The following ZNF827 variants were observed in gnomAD, a reference collection of about 807,000 sequenced individuals.
ZNF827 encodes the protein zinc finger protein 827.
ZNF827 carries 13 observed loss-of-function variants against 102.4 expected under a neutral mutation model. The ratio of observed to expected loss-of-function variants is 0.13; its 90% CI spans 0.08 to 0.20. The LOEUF (loss-of-function observed/expected upper bound fraction) is 0.20, where lower values mean the gene tolerates loss of function less well. Among genes scored for constraint, ZNF827 ranks in the 10% least tolerant of loss-of-function variants. ZNF827 has a pLI of 1.00. For synonymous variants in ZNF827, 523 were observed against 536.2 expected (o/e 0.98, Z 0.34); for missense variants, 1,103 against 1,344.4 (o/e 0.82, Z 2.81).
At chr4:145,920,794 A>T (rs2126961729) in intron 1 of ZNF827, among the ~76,000 whole-genome samples, 1 of 152,272 alleles carries the variant, frequency 6.6e-6, no homozygotes, top group South Asian at 2.1e-4. Flanking sequence ...AACAATATTA[A>T]TAGAACATCT....
chr4:145,797,601 T>C (rs540712385), intron 8 of ZNF827, among the ~76,000 whole-genome samples: 4 of 152,278 alleles, frequency 2.6e-5, no homozygotes, highest in East Asian at 1.9e-4. Context: ...CTGCTCCTTC[T>C]CTCCCTTTCT....
At chr4:145,817,492 T>C (rs1017972740) in intron 8 of ZNF827, among the ~76,000 whole-genome samples, 1 of 152,208 alleles carries the variant, frequency 6.6e-6, no homozygotes, top group Non-Finnish European at 1.5e-5. Flanking sequence ...AGCAGAATCA[T>C]GGCGGAAAGG....
intron 1 of ZNF827, among the ~76,000 whole-genome samples, chr4:145,937,282 T>C (rs1302074332): frequency 2.0e-5 from 3 of 151,526 alleles, no homozygotes; most frequent in Non-Finnish European, 4.4e-5. Flanking sequence ...GTGTCTCCAG[T>C]TGGCGTGTGT....
At chr4:145,868,228 C>T (rs958963104) in intron 5 of ZNF827, among the ~76,000 whole-genome samples, 4 of 152,162 alleles carry the variant, frequency 2.6e-5, no homozygotes, top group East Asian at 3.8e-4. Context: ...AAGTTCCAAG[C>T]GCAAATCACA....
intron 8 of ZNF827, among the ~76,000 whole-genome samples, chr4:145,811,503 G>A (rs1345154499): frequency 6.6e-6 from 1 of 152,172 alleles, no homozygotes; most frequent in Non-Finnish European, 1.5e-5. Flanking sequence ...TCGTAGGGGT[G>A]AGGAGGTCTA....
Position 145,763,929 on chromosome 4 carries a change from G to A in ZNF827, c.3231-807C>T, listed in dbSNP as rs1734889638. On this transcript the variant is annotated intron_variant, in intron 13 of 14. Transcript: ENST00000508784. The surrounding 1 kb of genome is among the most constrained non-coding windows in gnomAD (Gnocchi z 4.6). ...TGTTGTTCCCTGACTCTTCTATGTG[G>A]GGGAGTTTTTGAGGAGGCAGGGGCC... Among the ~76,000 whole-genome samples, 1 of 151,972 alleles carries A rather than the reference G, an allele frequency of 6.6e-6. No homozygotes were observed. Among genetic ancestry groups the A allele is most frequent in the Non-Finnish European group, 1.5e-5 (1 of 67,986 alleles).
At chr4:145,878,056 T>A (rs1322333780) in intron 4 of ZNF827, among the ~76,000 whole-genome samples, 1 of 152,220 alleles carries the variant, frequency 6.6e-6, no homozygotes. Context: ...AAATGACATC[T>A]CCTCTTGACT....
At chr4:145,773,452 T>C (rs1426085436) in intron 11 of ZNF827, among the ~76,000 whole-genome samples, 1 of 152,172 alleles carries the variant, frequency 6.6e-6, no homozygotes, top group Non-Finnish European at 1.5e-5. Context: ...GTCAGGGAAA[T>C]TCCCCTTCCC....
intron 10 of ZNF827, 138 bp downstream of exon 10, chr4:145,775,651 C>T (rs1736951661): frequency 7.4e-6 from 8 of 1,078,030 alleles, no homozygotes; most frequent in African/African-American, 1.6e-5. Flanking sequence ...TCAATCTGAG[C>T]AAAGAAATTA....
intron 7 of ZNF827, among the ~76,000 whole-genome samples, chr4:145,835,721 C>T (rs1241685760): frequency 8.3e-6 from 1 of 120,714 alleles, no homozygotes; most frequent in Non-Finnish European, 1.7e-5. Context: ...CACCCTTACC[C>T]CACTCAACGC....
chr4:145,864,913 C>T (rs1044508298), intron 5 of ZNF827, among the ~76,000 whole-genome samples: 20 of 152,118 alleles, frequency 1.3e-4, no homozygotes, highest in Admixed American at 5.2e-4. Flanking sequence ...ATTTTCCATC[C>T]GTATAGATTA....
chr4:145,823,529 G>A lies in ZNF827; in HGVS notation c.2280-4C>T. ...TGTGTCTTCTGAAAAGAAAGGGCTG[G>A]GGTGGGGGAGGGGGAGTGAAGTTTA... On this transcript the variant is annotated splice_polypyrimidine_tract_variant and splice_region_variant and intron_variant, in intron 7 of 14. Coordinates refer to ENST00000508784, the MANE Select transcript of ZNF827 (RefSeq NM_001306215.2). 1 of 1,593,416 alleles carries A rather than the reference G, an allele frequency of 6.3e-7. No homozygotes were observed. The highest frequency in any genetic ancestry group is 1.1e-5 in the South Asian group (1 of 90,586).
At chr4:145,828,245 T>C (rs1310617543) in intron 7 of ZNF827, among the ~76,000 whole-genome samples, 2 of 152,212 alleles carry the variant, frequency 1.3e-5, no homozygotes, top group African/African-American at 4.8e-5. Context: ...CATATAGCCC[T>C]TGCTTCTGAA....
rs200997462 is a variant in ZNF827, at chr4:145,892,580, C to A, written c.1094-165G>T. ...ATAAGAAAGTTTTAGTACTGCTTTTCTTCAGGTAGAAACCCATATTCACCT... is the reference window on the plus strand; with the variant it reads ...ATAAGAAAGTTTTAGTACTGCTTTTATTCAGGTAGAAACCCATATTCACCT... On this transcript the variant is annotated intron_variant, in intron 2 of 14. Coordinates refer to ENST00000508784, the MANE Select transcript of ZNF827 (RefSeq NM_001306215.2). Among the ~76,000 whole-genome samples, 301 of 152,310 alleles carry A rather than the reference C, an allele frequency of 2.0e-3. 2 individuals carry two copies. Among genetic ancestry groups the A allele is most frequent in the African/African-American group, 6.3e-3 (260 of 41,576 alleles).
chr4:145,899,215 A>G (rs1032340788), intron 2 of ZNF827, among the ~76,000 whole-genome samples: 2 of 151,338 alleles, frequency 1.3e-5, no homozygotes, highest in African/African-American at 4.9e-5. Context: ...CTCTCACCAC[A>G]TTTCCATAAT....
intron 1 of ZNF827, among the ~76,000 whole-genome samples, chr4:145,927,864 T>C (rs892172187): frequency 6.6e-6 from 1 of 152,236 alleles, no homozygotes; most frequent in Non-Finnish European, 1.5e-5. Context: ...TAAAGCATAA[T>C]ACAAACAGAA....
intron 7 of ZNF827, among the ~76,000 whole-genome samples, chr4:145,840,909 T>C (rs1009489441): frequency 1.3e-5 from 2 of 152,192 alleles, no homozygotes; most frequent in African/African-American, 4.8e-5. Flanking sequence ...CACAGAAAAA[T>C]AGCCTGCATT....
chr4:145,812,872 G>A (rs1184156584), intron 8 of ZNF827, among the ~76,000 whole-genome samples: 1 of 152,064 alleles, frequency 6.6e-6, no homozygotes, highest in Non-Finnish European at 1.5e-5. Flanking sequence ...TGGGACAGTC[G>A]TCCCCTCCTC....
intron 8 of ZNF827, among the ~76,000 whole-genome samples, chr4:145,811,744 A>G (rs958287720): frequency 3.9e-5 from 6 of 152,250 alleles, no homozygotes; most frequent in African/African-American, 9.6e-5. Context: ...ACAGTTTACC[A>G]TAAGTATTGA....
Sources: allele counts gnomAD v4.1 joint callset (sites outside exome capture counted in the v4.1 genomes callset), GRCh38; gene constraint gnomAD v4.1.1; non-coding constraint Gnocchi (gnomAD v3.1); transcripts MANE v1.5; gene names NCBI Gene and HGNC (gene_info 2026-07-23, HGNC 2026-07-21).